Variants in GABRB2 observed in about 807,000 individuals in gnomAD.
GABRB2 encodes the protein gamma-aminobutyric acid type A receptor subunit beta2, also known as gamma-aminobutyric acid receptor subunit beta-2.
In GABRB2, 16 loss-of-function variants were observed where a neutral mutation model predicts 54.7. The ratio of observed to expected loss-of-function variants is 0.29; its 90% confidence interval spans 0.20 to 0.44. GABRB2 has a LOEUF of 0.44. GABRB2 is among the 20% of genes least tolerant of loss of function. The pLI, the probability that GABRB2 is intolerant of heterozygous loss-of-function variation, is 1.00. For synonymous variants in GABRB2, 244 were observed against 233.8 expected (o/e 1.04, Z -0.40); for missense variants, 355 against 644.0 (o/e 0.55, Z 4.86).
At position 161,466,040 on chromosome 5, in the gene GABRB2, C is replaced by T. The variant is rs1758266373; in HGVS notation, c.238-6196G>A. Among the ~76,000 whole-genome samples the T allele has an allele frequency of 7.2e-5, 11 of 152,044 alleles. No homozygotes were observed. The South Asian group carries it at 2.1e-3, about 29-fold the overall frequency. ...ATGCTTCTTAACCTTCAACCTGTGA[C>T]AGTTCCTCAATGTTTCCATGTCTTT... On this transcript the variant is annotated intron_variant, in intron 3 of 9. Coordinates refer to ENST00000393959, the MANE Select transcript of GABRB2 (RefSeq NM_001371727.1).
intron 3 of GABRB2, among the ~76,000 whole-genome samples, chr5:161,483,101 G>A (rs1758813878): frequency 6.6e-6 from 1 of 152,014 alleles, no homozygotes; most frequent in South Asian, 2.1e-4. Context: ...TTAATCTTGT[G>A]TAACTCAGCA....
intron 5 of GABRB2, among the ~76,000 whole-genome samples, chr5:161,386,951 G>C (rs964398397): frequency 3.7e-4 from 57 of 152,180 alleles, no homozygotes; most frequent in African/African-American, 1.3e-3. Context: ...ACTTGGGATG[G>C]AGGAGGAGGT....
intron 3 of GABRB2, among the ~76,000 whole-genome samples, chr5:161,480,402 A>G (rs970287690): frequency 6.6e-6 from 1 of 152,076 alleles, no homozygotes; most frequent in African/African-American, 2.4e-5. Context: ...TTATCTATTA[A>G]ACTCACAGGT....
At chr5:161,357,335 A>C (rs953295185) in intron 5 of GABRB2, among the ~76,000 whole-genome samples, 3 of 152,182 alleles carry the variant, frequency 2.0e-5, no homozygotes, top group Admixed American at 2.0e-4. Flanking sequence ...AAAGCCAGGA[A>C]CATGTGTGGT....
intron 5 of GABRB2, among the ~76,000 whole-genome samples, chr5:161,368,618 G>A (rs1580923623): frequency 2.0e-5 from 3 of 152,120 alleles, no homozygotes; most frequent in South Asian, 2.1e-4. Context: ...TCGAGATGTC[G>A]CATACTCTGC....
intron 7 of GABRB2, 74 bp downstream of exon 7, chr5:161,334,678 G>A: frequency 6.6e-7 from 1 of 1,507,450 alleles, no homozygotes; most frequent in Non-Finnish European, 9.1e-7. Flanking sequence ...TTCAGGATAA[G>A]GAAAACGCGT....
chr5:161,288,911 T>A lies in GABRB2; in HGVS notation c.*5170A>T, dbSNP rs1757158562. On this transcript the variant is annotated 3_prime_UTR_variant, in exon 10 of 10. Coordinates refer to ENST00000393959, the MANE Select transcript of GABRB2 (RefSeq NM_001371727.1). ...TAGGCAACTTTGTTGGGATTAATTA[T>A]GTTTAAAATGACGATGGTTGAACTC... 6.6e-6 allele frequency: 1 copy of A among 152,168 alleles called. No homozygotes were observed. The highest frequency in any genetic ancestry group is 1.5e-5 in the Non-Finnish European group (1 of 68,020). The allele number at this position is 152,168 out of a possible 1,614,324, so 9.4% of individuals were successfully genotyped here.
chr5:161,391,010 C>A (rs1334734254), intron 5 of GABRB2, among the ~76,000 whole-genome samples: 3 of 152,104 alleles, frequency 2.0e-5, no homozygotes, highest in Non-Finnish European at 1.5e-5. Context: ...CAGTTAAGTT[C>A]TAAGAACACA....
At position 161,293,988 on chromosome 5, in the gene GABRB2, G is replaced by T; in HGVS notation, c.*93C>A. On this transcript the variant is annotated 3_prime_UTR_variant, in exon 10 of 10. Transcript: ENST00000393959. ...ACTAAGGTATTTTAGCGTCACTTTT[G>T]TCCTGGATTGATGTGTTTTCCAAGT... 1 of 970,330 alleles carries T rather than the reference G, an allele frequency of 1.0e-6. No homozygotes were observed. The highest frequency in any genetic ancestry group is 1.6e-5 in the South Asian group (1 of 61,442). The allele number at this position is 970,330 out of a possible 1,614,324, so 60.1% of individuals were successfully genotyped here. A position where few individuals can be genotyped will look rare whatever the true frequency, so the allele number is the denominator to read the frequency against.
intron 4 of GABRB2, among the ~76,000 whole-genome samples, chr5:161,452,981 G>A (rs1757834929): frequency 8.5e-5 from 13 of 152,166 alleles, no homozygotes; most frequent in Admixed American, 8.5e-4. Flanking sequence ...GGGTGACAGA[G>A]TGAGACACTG....
intron 3 of GABRB2, among the ~76,000 whole-genome samples, chr5:161,483,852 G>C (rs1758838491): frequency 6.6e-6 from 1 of 151,696 alleles, no homozygotes; most frequent in Non-Finnish European, 1.5e-5. Flanking sequence ...CCAAATCCCT[G>C]ACAGATGGTA....
At chr5:161,300,355 A>G (rs1177261867) in intron 9 of GABRB2, among the ~76,000 whole-genome samples, 2 of 152,046 alleles carry the variant, frequency 1.3e-5, no homozygotes, top group Non-Finnish European at 2.9e-5. Flanking sequence ...TTTAATTTTT[A>G]CTTTTTTGGA....
At chr5:161,405,474 C>T (rs975635109) in intron 5 of GABRB2, among the ~76,000 whole-genome samples, 1 of 152,036 alleles carries the variant, frequency 6.6e-6, no homozygotes, top group African/African-American at 2.4e-5. Context: ...AAATGAGAAA[C>T]TGCAGCTTGA....
At chr5:161,537,262 T>C (rs969510332) in intron 3 of GABRB2, among the ~76,000 whole-genome samples, 1 of 152,212 alleles carries the variant, frequency 6.6e-6, no homozygotes, top group African/African-American at 2.4e-5. Context: ...CTTTTAAATT[T>C]TATGTATTCA....
At position 161,546,700 on chromosome 5, in the gene GABRB2, T is replaced by G; in HGVS notation, c.-57A>C. ...ACTGAAGAGAGGAGATCCAACTTAG[T>G]CTGCCCAGTGCAGTAATTCTAATGT... is the stretch of plus-strand genomic sequence containing the variant. On this transcript the variant is annotated 5_prime_UTR_variant, in exon 1 of 10. Transcript: ENST00000393959. 6.4e-7 allele frequency: 1 copy of G among 1,553,746 alleles called. No homozygotes were observed. Among genetic ancestry groups the G allele is most frequent in the Non-Finnish European group, 8.7e-7 (1 of 1,148,036 alleles).
chr5:161,404,835 C>T (rs1242173222), intron 5 of GABRB2, among the ~76,000 whole-genome samples: 1 of 152,058 alleles, frequency 6.6e-6, no homozygotes. Context: ...GCCTAGTTGT[C>T]CTTTAACTCA....
At chr5:161,391,580 ACAT>A (rs1239596443) in intron 5 of GABRB2, among the ~76,000 whole-genome samples, 2 of 152,172 alleles carry the variant, frequency 1.3e-5, no homozygotes, top group Non-Finnish European at 2.9e-5. Flanking sequence ...AGAAAACATA[ACAT>A]CATCGCCAAA....
chr5:161,324,810 G>A (rs904370744), intron 9 of GABRB2, among the ~76,000 whole-genome samples: 2 of 152,012 alleles, frequency 1.3e-5, no homozygotes, highest in Non-Finnish European at 2.9e-5. Flanking sequence ...AACAAAAGAC[G>A]TTAGAATTCA....
At position 161,292,123 on chromosome 5, in the gene GABRB2, G is replaced by T. The variant is rs1757255740; in HGVS notation, c.*1958C>A. On this transcript the variant is annotated 3_prime_UTR_variant, in exon 10 of 10. Coordinates refer to ENST00000393959, the MANE Select transcript of GABRB2 (RefSeq NM_001371727.1). Reference sequence around the variant, plus strand: ...AAAAACAAAATACCATTCCATTTTGGGGCAAATTCAGAAAGCTGAAGGATA... The same window carrying T: ...AAAAACAAAATACCATTCCATTTTGTGGCAAATTCAGAAAGCTGAAGGATA... 6.6e-6 allele frequency: 1 copy of T among 152,098 alleles called. No homozygotes were observed. Among genetic ancestry groups the T allele is most frequent in the African/African-American group, 2.4e-5 (1 of 41,402 alleles). 9.4% of individuals were successfully genotyped at this position (152,098 alleles called of 1,614,324 possible). A position where few individuals can be genotyped will look rare whatever the true frequency, so the allele number is the denominator to read the frequency against.
Sources: allele counts gnomAD v4.1 joint callset (sites outside exome capture counted in the v4.1 genomes callset), GRCh38; gene constraint gnomAD v4.1.1; transcripts MANE v1.5; gene names NCBI Gene and HGNC (gene_info 2026-07-23, HGNC 2026-07-21).